The following RPGRIP1 variants were observed in gnomAD, a reference collection of about 807,000 sequenced individuals.
The protein encoded by RPGRIP1 is RPGR interacting protein 1, also known as X-linked retinitis pigmentosa GTPase regulator-interacting protein 1.
In RPGRIP1, 128 loss-of-function variants were observed where a neutral mutation model predicts 157.9. That is an observed-to-expected ratio of 0.81 (90% CI 0.70 to 0.94). The LOEUF (loss-of-function observed/expected upper bound fraction) is 0.94. RPGRIP1 is among the 40% of genes least tolerant of loss of function. The probability of loss-of-function intolerance (pLI) is 0.00; values close to 1 mark genes in which losing one functional copy is unlikely to be tolerated. For missense variants in RPGRIP1, 1,486 were observed against 1,545.8 expected (o/e 0.96, Z 0.65); for synonymous variants, 554 against 571.6 (o/e 0.97, Z 0.44).
rs1017455134 is a variant in RPGRIP1 at position 21,320,123 on chromosome 14, G to T, written c.1413G>T (p.Arg471Ser). ...CCACAATTTCCCAACCTCCTGACAG[G>T]CAATCTGAACCAGCCACTCACCCAG... is the stretch of plus-strand genomic sequence containing the variant. ...NAATISQPPD[R>S]QSEPATHPAV... Residue 471 changes from arginine to serine, a missense_variant, in exon 12 of 25, where the codon AGG becomes AGT. Coordinates refer to ENST00000400017, the MANE Select transcript of RPGRIP1 (RefSeq NM_020366.4). The T allele has an allele frequency of 6.2e-7, 1 of 1,613,778 alleles. No homozygotes were observed. Among genetic ancestry groups the T allele is most frequent in the African/African-American group, 1.3e-5 (1 of 74,984 alleles).
chr14:21,332,744 G>T (rs1411211626), intron 20 of RPGRIP1, among the ~76,000 whole-genome samples: 1 of 152,058 alleles, frequency 6.6e-6, no homozygotes, highest in Non-Finnish European at 1.5e-5. Flanking sequence ...AATAATAAAA[G>T]AAGACTATTT....
At chr14:21,345,621 T>C (rs532577061) in intron 23 of RPGRIP1, among the ~76,000 whole-genome samples, 1 of 152,120 alleles carries the variant, frequency 6.6e-6, no homozygotes, top group African/African-American at 2.4e-5. Context: ...TCATGTCTGG[T>C]CTTGAACTCC....
rs11847835 is a variant in RPGRIP1, at chr14:21,343,601, G to T, written c.3532+373G>T. On this transcript the variant is annotated intron_variant, in intron 22 of 24. Transcript: ENST00000400017. Reference sequence around the variant, plus strand: ...TGACTCCGAGATTCAAGCGATTCACGTGACTCAGCCTCCCAAGTAGCTGGG... The same window carrying T: ...TGACTCCGAGATTCAAGCGATTCACTTGACTCAGCCTCCCAAGTAGCTGGG... Among the ~76,000 whole-genome samples the T allele has an allele frequency of 2.8e-3, 429 of 152,108 alleles. 1 individual carries two copies. Among genetic ancestry groups the T allele is most frequent in the African/African-American group, 9.9e-3 (411 of 41,504 alleles).
chr14:21,282,411 G>A (rs987533614), intron 1 of RPGRIP1, among the ~76,000 whole-genome samples: 1 of 150,928 alleles, frequency 6.6e-6, no homozygotes, highest in Non-Finnish European at 1.5e-5. Context: ...TAATTTTTTT[G>A]TATTTTAGTA....
intron 23 of RPGRIP1, among the ~76,000 whole-genome samples, chr14:21,347,405 A>G (rs1885674995): frequency 6.6e-6 from 1 of 152,268 alleles, no homozygotes; most frequent in African/African-American, 2.4e-5. Context: ...TGAGGGAGTC[A>G]GCATTATCAC....
At chr14:21,292,184 G>T (rs568915984) in intron 2 of RPGRIP1, among the ~76,000 whole-genome samples, 7 of 152,164 alleles carry the variant, frequency 4.6e-5, no homozygotes, top group Non-Finnish European at 8.8e-5. Context: ...GAGCCACCGC[G>T]TCTGGCCTAA....
chr14:21,301,015 G>A lies in RPGRIP1; in HGVS notation c.268G>A (p.Val90Ile), dbSNP rs1057519200. The A allele has an allele frequency of 3.1e-6, 5 of 1,612,680 alleles. No homozygotes were observed. The highest frequency in any genetic ancestry group is 4.2e-6 in the Non-Finnish European group (5 of 1,179,400). ...GACCGCTGCTGGCCGGGACCTGCGG[G>A]TCGCGGAGGAGGCGGCGCCGCTCTC... ...RLTAAGRDLR[V>I]AEEAAPLSET... The change falls in exon 4 of 25, where the codon GTC (valine) becomes ATC (isoleucine). Residue 90 changes from valine (V) to isoleucine (I), a missense_variant. Transcript: ENST00000400017.
chr14:21,291,501 A>T (rs745672340), intron 2 of RPGRIP1, among the ~76,000 whole-genome samples: 11 of 152,340 alleles, frequency 7.2e-5, no homozygotes, highest in Middle Eastern at 3.4e-3. Context: ...ATTTTATGAA[A>T]AAATAAGCTT....
rs111980078 is a variant in RPGRIP1, at chr14:21,319,247, C to T, written c.1307-770C>T. ...TGGAAATGATCTGCTCACTAAACAC[C>T]GATTACCTTTATTCCCTGAAAAACA... On this transcript the variant is annotated intron_variant, in intron 11 of 24. Coordinates refer to ENST00000400017, the MANE Select transcript of RPGRIP1 (RefSeq NM_020366.4). Among the ~76,000 whole-genome samples the T allele has an allele frequency of 9.2e-3, 1,405 of 152,148 alleles. 24 individuals carry two copies. The highest frequency in any genetic ancestry group is 0.03 in the African/African-American group (1,257 of 41,510).
At position 21,327,620 on chromosome 14, in the gene RPGRIP1, C is replaced by T; in HGVS notation, c.2711-3C>T. 6.2e-7 allele frequency: 1 copy of T among 1,613,360 alleles called. No individual in the cohort carries two copies. The highest frequency in any genetic ancestry group is 8.5e-7 in the Non-Finnish European group (1 of 1,179,370). ...GTCTTATTAATATCTGTTTGTTTCTCAGGTGATTTTAACCTCACTGACCCT... is the reference window on the plus strand; with the variant it reads ...GTCTTATTAATATCTGTTTGTTTCTTAGGTGATTTTAACCTCACTGACCCT... On this transcript the variant is annotated splice_region_variant and splice_polypyrimidine_tract_variant and intron_variant, in intron 17 of 24. Coordinates refer to ENST00000400017, the MANE Select transcript of RPGRIP1 (RefSeq NM_020366.4).
intron 24 of RPGRIP1, among the ~76,000 whole-genome samples, chr14:21,348,786 T>C (rs1885834689): frequency 1.3e-5 from 2 of 149,264 alleles, no homozygotes; most frequent in African/African-American, 4.9e-5. Flanking sequence ...CTGCCTCAGC[T>C]TCCTGCCTCA....
Position 21,294,829 on chromosome 14 carries a change from A to ATTTT in RPGRIP1, c.218+20_218+21insTTTT. 4.8e-6 allele frequency: 4 copies of ATTTT among 827,992 alleles called. No individual in the cohort carries two copies. The highest frequency in any genetic ancestry group is 4.9e-5 in the Admixed American group (1 of 20,572). The allele number at this position is 827,992 out of a possible 1,614,324, so 51.3% of individuals were successfully genotyped here. ...CAAAAGGTACTTAGAGTTCTCCTTA[A>ATTTT]ATTTTTTTTTTTTTTTTTTTTTTTT... On this transcript the variant is annotated intron_variant, in intron 3 of 24. Coordinates refer to ENST00000400017, the MANE Select transcript of RPGRIP1 (RefSeq NM_020366.4).
In RPGRIP1 at chr14:21,324,790, T is replaced by A. The variant is rs1320587970; in HGVS notation, c.1935T>A (p.Ala645=). ...AFLTSAALAQ[A]GDTQPTTFCT... ...TGACATCTGCCGCCCTAGCTCAGGC[T>A]GGAGATACCCAACCTACCACTTTCT... Residue 645 remains alanine (A), a synonymous_variant, in exon 15 of 25, where the codon GCT becomes GCA. Coordinates refer to ENST00000400017, the MANE Select transcript of RPGRIP1 (RefSeq NM_020366.4). 1.2e-6 allele frequency: 2 copies of A among 1,614,086 alleles called. No individual in the cohort carries two copies. Among genetic ancestry groups the A allele is most frequent in the East Asian group, 4.5e-5 (2 of 44,894 alleles).
At position 21,324,265 on chromosome 14, in the gene RPGRIP1, T is replaced by G. The variant is rs373543446; in HGVS notation, c.1763-353T>G. 7 of 349,276 alleles carry G rather than the reference T, an allele frequency of 2.0e-5. No homozygotes were observed. The East Asian group carries it at 4.2e-4, about 21-fold the overall frequency. 21.6% of individuals were successfully genotyped at this position (349,276 alleles called of 1,614,324 possible). On this transcript the variant is annotated intron_variant, in intron 14 of 24. Coordinates refer to ENST00000400017, the MANE Select transcript of RPGRIP1 (RefSeq NM_020366.4). Reference sequence around the variant, plus strand: ...TGTAGAAATATTCATGTTTTTGTGTTTCTAGTACTTCTCTTATGGAATTAC... The same window carrying G: ...TGTAGAAATATTCATGTTTTTGTGTGTCTAGTACTTCTCTTATGGAATTAC...
At chr14:21,336,274 C>G (rs1884352402) in intron 21 of RPGRIP1, among the ~76,000 whole-genome samples, 1 of 152,154 alleles carries the variant, frequency 6.6e-6, no homozygotes, top group South Asian at 2.1e-4. Context: ...GTGGCTCACA[C>G]TTGTAATCCC....
intron 21 of RPGRIP1, among the ~76,000 whole-genome samples, chr14:21,336,097 G>T (rs558087178): frequency 6.6e-6 from 1 of 152,310 alleles, no homozygotes; most frequent in South Asian, 2.1e-4. Flanking sequence ...TCAGAAAAGG[G>T]AATTTATGGT....
At chr14:21,303,270 T>A in intron 5 of RPGRIP1, 61 bp from the exon 6 acceptor site, 1 of 1,209,836 alleles carries the variant, frequency 8.3e-7, no homozygotes, top group Non-Finnish European at 1.2e-6. Context: ...TTTTTATATG[T>A]GTAAGAACCC....
rs559319526 is a variant in RPGRIP1 at position 21,335,558 on chromosome 14, C to T, written c.3339+853C>T. Among the ~76,000 whole-genome samples the T allele has an allele frequency of 1.5e-4, 23 of 152,174 alleles. No individual in the cohort carries two copies. In the South Asian group the frequency reaches 4.8e-3, roughly 32 times the overall value. On this transcript the variant is annotated intron_variant, in intron 21 of 24. Coordinates refer to ENST00000400017, the MANE Select transcript of RPGRIP1 (RefSeq NM_020366.4). ...ATAAAAAAGAAAAAAAAGCCGGTTG[C>T]GGTGGCTCACGCCTGTAATCCCAGC...
intron 2 of RPGRIP1, among the ~76,000 whole-genome samples, chr14:21,288,429 C>G (rs1426176293): frequency 2.0e-5 from 3 of 151,894 alleles, no homozygotes; most frequent in Non-Finnish European, 1.5e-5. Flanking sequence ...GATCTGCCCT[C>G]CTCGGGCTCC....
Sources: gnomAD v4.1 joint callset for allele counts (sites outside exome capture counted in the v4.1 genomes callset) on GRCh38, gnomAD v4.1.1 for gene constraint, MANE v1.5 for transcripts, NCBI Gene and HGNC (gene_info 2026-07-23, HGNC 2026-07-21) for gene names.